VPS54: variants seen among roughly 807,000 people sequenced by gnomAD.
VPS54 encodes VPS54 subunit of GARP complex.
Under a neutral mutation model 121.5 loss-of-function variants are expected in VPS54, and 45 were observed. The observed-to-expected ratio is 0.37, with a 90% CI of 0.29 to 0.47. The LOEUF (loss-of-function observed/expected upper bound fraction) is 0.47, where lower values mean the gene tolerates loss of function less well. VPS54 is among the 20% of genes least tolerant of loss of function. The pLI is 0.99. For missense variants in VPS54, 1,090 were observed against 1,131.4 expected, an observed-to-expected ratio of 0.96 and a Z score of 0.52; for synonymous variants, 371 against 385.8, an observed-to-expected ratio of 0.96 and a Z score of 0.45.
chr2:63,906,046 G>T (rs1055628976), intron 20 of VPS54, among the ~76,000 whole-genome samples: 2 of 151,772 alleles, frequency 1.3e-5, no homozygotes, highest in Non-Finnish European at 2.9e-5. Flanking sequence ...CCTGATAAAG[G>T]CCTCTTAAAA....
intron 12 of VPS54, among the ~76,000 whole-genome samples, chr2:63,926,398 G>C (rs1575916607): frequency 1.3e-5 from 2 of 152,338 alleles, no homozygotes; most frequent in East Asian, 3.9e-4. Flanking sequence ...ATATAGCTCA[G>C]GGTTTGGTTT....
intron 2 of VPS54, among the ~76,000 whole-genome samples, chr2:63,982,554 G>A (rs985259003): frequency 6.6e-6 from 1 of 152,168 alleles, no homozygotes; most frequent in African/African-American, 2.4e-5. Context: ...TGTTTTGTGT[G>A]TTTAAAGACG....
intron 12 of VPS54, among the ~76,000 whole-genome samples, chr2:63,923,414 T>C (rs1307242829): frequency 6.6e-6 from 1 of 152,196 alleles, no homozygotes; most frequent in Non-Finnish European, 1.5e-5. Context: ...CAATTCTACT[T>C]CTGGGTATAT....
At chr2:63,925,492 A>T (rs1369331110) in intron 12 of VPS54, among the ~76,000 whole-genome samples, 1 of 152,246 alleles carries the variant, frequency 6.6e-6, no homozygotes, top group Non-Finnish European at 1.5e-5. Context: ...GACCATTCAC[A>T]TACTTTGTTT....
intron 21 of VPS54, among the ~76,000 whole-genome samples, chr2:63,899,125 G>A (rs867379084): frequency 1.2e-4 from 18 of 152,002 alleles, no homozygotes; most frequent in African/African-American, 7.3e-5. Context: ...TACAATCACC[G>A]TAACATATTT....
chr2:63,899,692 T>G (rs974617666), intron 20 of VPS54, 111 bp from the exon 21 acceptor site: 1 of 854,770 alleles, frequency 1.2e-6, no homozygotes, highest in African/African-American at 1.7e-5. Context: ...AATTCTGGCA[T>G]AGTACTTAAG....
intron 1 of VPS54, among the ~76,000 whole-genome samples, chr2:64,012,732 A>C: frequency 6.6e-6 from 1 of 151,072 alleles, no homozygotes. Flanking sequence ...GCACCAAATG[A>C]AGGCCCTTTC....
chr2:63,933,582 G>T, intron 12 of VPS54, 91 bp downstream of exon 12: 1 of 1,211,442 alleles, frequency 8.3e-7, no homozygotes, highest in Non-Finnish European at 1.1e-6. Flanking sequence ...AATTTACATG[G>T]TTTTTCAATA....
intron 7 of VPS54, among the ~76,000 whole-genome samples, chr2:63,956,845 G>A (rs1003716026): frequency 4.6e-5 from 7 of 152,160 alleles, no homozygotes; most frequent in African/African-American, 7.2e-5. Context: ...GAGTGTTAAC[G>A]ACAATTATGA....
chr2:64,016,611 T>G (rs1440618510), intron 1 of VPS54, among the ~76,000 whole-genome samples: 2 of 4,578 alleles, frequency 4.4e-4, no homozygotes, highest in Non-Finnish European at 7.2e-4. Context: ...GAATTGTATA[T>G]TTTTTTTTTT....
At position 63,975,078 on chromosome 2, in the gene VPS54, C is replaced by G; in HGVS notation, c.379-2834G>C. 5 of 1,530,804 alleles carry G rather than the reference C, an allele frequency of 3.3e-6. No homozygotes were observed. In the South Asian group the frequency reaches 6.0e-5, roughly 18 times the overall value. The allele number at this position is 1,530,804 out of a possible 1,614,324, so 94.8% of individuals were successfully genotyped here. On this transcript the variant is annotated intron_variant, in intron 3 of 22. Coordinates refer to ENST00000272322, the MANE Select transcript of VPS54 (RefSeq NM_016516.3). Reference sequence around the variant, plus strand: ...TTTTCTTTTTTGAGACAGAGTCTCACTCTGTCACCCAATCTGTAGTGCAGT... The same window carrying G: ...TTTTCTTTTTTGAGACAGAGTCTCAGTCTGTCACCCAATCTGTAGTGCAGT...
Position 63,972,196 on chromosome 2 carries a change from T to C in VPS54, c.427A>G (p.Thr143Ala), listed in dbSNP as rs1010475553. ...GTATGTAAAAGAGTCCTTTCGAAGG[T>C]ATCTTTAGGAGGACAAATATTCTTG... is the stretch of plus-strand genomic sequence containing the variant. The part of the protein sequence containing the change: ...RCKNICPPKD[T>A]FERTLLHTHD... Residue 143 changes from threonine (T) to alanine (A), a missense_variant, in exon 4 of 23, where the codon ACC (threonine) becomes GCC (alanine). Transcript: ENST00000272322. 6.3e-7 allele frequency: 1 copy of C among 1,592,570 alleles called. No individual in the cohort carries two copies. The highest frequency in any genetic ancestry group is 1.3e-5 in the African/African-American group (1 of 74,832).
chr2:63,974,037 C>T (rs2104592193), intron 3 of VPS54, among the ~76,000 whole-genome samples: 2 of 152,224 alleles, frequency 1.3e-5, no homozygotes, highest in South Asian at 4.2e-4. Context: ...CCCAAGGTTA[C>T]CTAGATTTTC....
chr2:63,924,643 C>T (rs963712898), intron 12 of VPS54, among the ~76,000 whole-genome samples: 1 of 152,080 alleles, frequency 6.6e-6, no homozygotes, highest in Admixed American at 6.5e-5. Flanking sequence ...AGTAAGACCC[C>T]ATCTCTACAA....
intron 8 of VPS54, among the ~76,000 whole-genome samples, chr2:63,948,098 T>C (rs1219646553): frequency 6.6e-6 from 1 of 152,112 alleles, no homozygotes; most frequent in Non-Finnish European, 1.5e-5. Context: ...CCTAAAGTGC[T>C]TGGATTATAG....
At chr2:63,979,868 T>C (rs991835861) in intron 3 of VPS54, among the ~76,000 whole-genome samples, 18 of 152,210 alleles carry the variant, frequency 1.2e-4, no homozygotes, top group Admixed American at 9.8e-4. Flanking sequence ...GTCTTCTAAA[T>C]GTATTAAAAT....
chr2:63,996,243 TTA>T (rs1040912709), intron 1 of VPS54, among the ~76,000 whole-genome samples: 17 of 152,314 alleles, frequency 1.1e-4, no homozygotes, highest in African/African-American at 3.8e-4. Flanking sequence ...ATTAATACTT[TTA>T]TAATTTCTTA....
chr2:63,917,883 T>G (rs1673462911), intron 15 of VPS54, among the ~76,000 whole-genome samples: 1 of 151,964 alleles, frequency 6.6e-6, no homozygotes, highest in African/African-American at 2.4e-5. Context: ...GTGCCTTAGT[T>G]TCTAAATTTG....
intron 20 of VPS54, among the ~76,000 whole-genome samples, chr2:63,902,429 T>C (rs985233014): frequency 1.3e-5 from 2 of 152,300 alleles, no homozygotes; most frequent in South Asian, 2.1e-4. Context: ...AGCTTGGTTA[T>C]TGAATAACTT....
Sources: allele counts gnomAD v4.1 joint callset (sites outside exome capture counted in the v4.1 genomes callset), GRCh38; gene constraint gnomAD v4.1.1; transcripts MANE v1.5; gene names NCBI Gene and HGNC (gene_info 2026-07-23, HGNC 2026-07-21).